The following FAM222B variants were observed in gnomAD, a reference collection of about 807,000 sequenced individuals.
The protein encoded by FAM222B is protein FAM222B.
Under a neutral mutation model 38.0 loss-of-function variants are expected in FAM222B, and 12 were observed. That is an observed-to-expected ratio of 0.32 (90% confidence interval 0.20 to 0.51). The LOEUF (loss-of-function observed/expected upper bound fraction) is 0.51. Among genes scored for constraint, FAM222B ranks in the 20% least tolerant of loss-of-function variants. The pLI, the probability that FAM222B is intolerant of heterozygous loss-of-function variation, is 0.97. For synonymous variants in FAM222B, 329 were observed against 317.2 expected (o/e 1.04, Z -0.40); for missense variants, 716 against 754.2 (o/e 0.95, Z 0.59).
At position 28,756,072 on chromosome 17, in the gene FAM222B, A is replaced by C. The variant is rs1216988566; in HGVS notation, c.*2198T>G. On this transcript the variant is annotated 3_prime_UTR_variant, in exon 3 of 3. Coordinates refer to ENST00000581407, the MANE Select transcript of FAM222B (RefSeq NM_001077498.3). ...GGTGAGGTGAGAGAGATGGAGAATG[A>C]ATGCTACAGTATGTGGATAGAATGG... The C allele has an allele frequency of 6.6e-6, 1 of 152,640 alleles. No individual in the cohort carries two copies. The highest frequency in any genetic ancestry group is 1.5e-5 in the Non-Finnish European group (1 of 68,044). 9.5% of individuals were successfully genotyped at this position (152,640 alleles called of 1,614,324 possible). A position where few individuals can be genotyped will look rare whatever the true frequency, so the allele number is the denominator to read the frequency against.
At chr17:28,807,890 A>G (rs2037566755) in intron 1 of FAM222B, among the ~76,000 whole-genome samples, 1 of 152,190 alleles carries the variant, frequency 6.6e-6, no homozygotes, top group South Asian at 2.1e-4. Context: ...GGTTTAAAAC[A>G]AACAAAAAGA....
At chr17:28,827,830 A>G (rs1331096180) in intron 1 of FAM222B, among the ~76,000 whole-genome samples, 1 of 152,208 alleles carries the variant, frequency 6.6e-6, no homozygotes, top group Admixed American at 6.6e-5. Context: ...GGGAAAGGGC[A>G]TAAGTAGTCT....
chr17:28,781,127 G>C (rs983051868), intron 1 of FAM222B, among the ~76,000 whole-genome samples: 2 of 152,006 alleles, frequency 1.3e-5, no homozygotes, highest in Non-Finnish European at 2.9e-5. Flanking sequence ...TCAGAGAAAT[G>C]CAAGTTAAAA....
chr17:28,759,376 C>T lies in FAM222B; in HGVS notation c.583G>A (p.Gly195Ser), dbSNP rs745753529. The T allele has an allele frequency of 2.3e-5, 37 of 1,607,146 alleles. 1 individual carries two copies. In the South Asian group the frequency reaches 3.3e-4, roughly 14 times the overall value. ...GCCATGGGCTGAGGGTGGCCCAGGC[C>T]CTGAGGCTGCTGGAGGCTCTGAGGG... ...SHPQSLQQPQ[G>S]LGHPQPMAQT... The change falls in exon 3 of 3, where the codon GGC becomes AGC. Residue 195 changes from glycine to serine, a missense_variant. Transcript: ENST00000581407. The surrounding 1 kb of genome is among the most constrained non-coding windows in gnomAD (Gnocchi z 4.8).
At chr17:28,809,081 C>T (rs891451154) in intron 1 of FAM222B, among the ~76,000 whole-genome samples, 5 of 152,142 alleles carry the variant, frequency 3.3e-5, no homozygotes, top group South Asian at 2.1e-4. Context: ...GGGCCGGGCA[C>T]GGTGGCTCAT....
intron 1 of FAM222B, among the ~76,000 whole-genome samples, chr17:28,784,491 TAAAAAAAAA>T (rs559624246): frequency 1.9e-3 from 67 of 36,038 alleles, no homozygotes; most frequent in East Asian, 5.5e-3. Flanking sequence ...TCCCCTCTCT[TAAAAAAAAA>T]AAAAAAAAAA....
chr17:28,783,018 G>A (rs572849338), intron 1 of FAM222B, among the ~76,000 whole-genome samples: 14 of 150,718 alleles, frequency 9.3e-5, no homozygotes, highest in Non-Finnish European at 1.8e-4. Flanking sequence ...GGTGCCTGTA[G>A]CCCCAGCTAC....
At chr17:28,785,408 C>T (rs78568997) in intron 1 of FAM222B, among the ~76,000 whole-genome samples, 10 of 152,250 alleles carry the variant, frequency 6.6e-5, no homozygotes, top group Non-Finnish European at 1.3e-4. Context: ...AAACATTGAA[C>T]GGTTCCATAG....
chr17:28,833,009 T>TAAAAAA (rs779596504), intron 1 of FAM222B, among the ~76,000 whole-genome samples: 1 of 90,776 alleles, frequency 1.1e-5, no homozygotes. Flanking sequence ...CTGTCTCTAT[T>TAAAAAA]AAAAAAAAAA....
chr17:28,831,459 TCCC>T (rs2038665169), intron 1 of FAM222B, among the ~76,000 whole-genome samples: 1 of 151,732 alleles, frequency 6.6e-6, no homozygotes, highest in Non-Finnish European at 1.5e-5. Context: ...GCTATTTTAG[TCCC>T]TTTGCCTTTC....
chr17:28,842,087 T>C (rs1260289916), intron 1 of FAM222B, among the ~76,000 whole-genome samples: 6 of 152,200 alleles, frequency 3.9e-5, no homozygotes, highest in African/African-American at 7.2e-5. Flanking sequence ...TAGGTGATGC[T>C]TGCAATAGCC....
chr17:28,840,150 C>A (rs1052103755), intron 1 of FAM222B, among the ~76,000 whole-genome samples: 2 of 151,956 alleles, frequency 1.3e-5, no homozygotes, highest in Non-Finnish European at 2.9e-5. Flanking sequence ...CCGAGGCAGG[C>A]GGATCACCTG....
intron 1 of FAM222B, among the ~76,000 whole-genome samples, chr17:28,776,452 C>CTTTTT (rs397857136): frequency 6.6e-5 from 6 of 90,974 alleles, no homozygotes; most frequent in East Asian, 3.1e-4. Flanking sequence ...CCTAAAAAGA[C>CTTTTT]TTTTTTTTTT....
rs756518360 is a variant in FAM222B, at chr17:28,758,349, G to A, written c.1610C>T (p.Ala537Val). The change falls in exon 3 of 3, where the codon GCC (alanine) becomes GTC (valine). Residue 537 changes from alanine (A) to valine (V), a missense_variant. Coordinates refer to ENST00000581407, the MANE Select transcript of FAM222B (RefSeq NM_001077498.3). ...REQSLAMLSK[A>V]HRAPGNRAPD... ...GGCTCGGTTGCCAGGGGCTCGGTGG[G>A]CCTTGCTCAGCATGGCCAGGCTCTG... 5.0e-6 allele frequency: 8 copies of A among 1,613,138 alleles called. No individual in the cohort carries two copies. In the East Asian group the frequency reaches 1.8e-4, roughly 36 times the overall value.
chr17:28,806,672 T>A lies in FAM222B; in HGVS notation c.-41+36010A>T, dbSNP rs74724702. Among the ~76,000 whole-genome samples the A allele has an allele frequency of 7.8e-3, 1,189 of 152,312 alleles. 7 individuals carry two copies. Among genetic ancestry groups the A allele is most frequent in the Middle Eastern group, 0.02 (6 of 294 alleles). On this transcript the variant is annotated intron_variant, in intron 1 of 2. Coordinates refer to ENST00000581407, the MANE Select transcript of FAM222B (RefSeq NM_001077498.3). ...TATTTTTTCTTTCTCCAATACCTCA[T>A]CTTGAGCATTCTTCTTTTGATTAAT...
chr17:28,802,989 A>G (rs1466682352), intron 1 of FAM222B, among the ~76,000 whole-genome samples: 1 of 152,038 alleles, frequency 6.6e-6, no homozygotes, highest in African/African-American at 2.4e-5. Context: ...TTTGGTTAAG[A>G]AGAGAGGTTT....
At chr17:28,828,453 C>T (rs1296115811) in intron 1 of FAM222B, among the ~76,000 whole-genome samples, 3 of 151,688 alleles carry the variant, frequency 2.0e-5, no homozygotes, top group African/African-American at 4.8e-5. Context: ...ATCTGTAGTG[C>T]CAGCTACTCA....
intron 1 of FAM222B, among the ~76,000 whole-genome samples, chr17:28,852,483 A>T (rs1010021696): frequency 2.0e-5 from 3 of 151,876 alleles, no homozygotes; most frequent in Admixed American, 6.6e-5. Flanking sequence ...CAAAAAAATT[A>T]CCAAAAAATT....
chr17:28,811,559 A>T (rs1482228578), intron 1 of FAM222B, among the ~76,000 whole-genome samples: 1 of 152,218 alleles, frequency 6.6e-6, no homozygotes, highest in Non-Finnish European at 1.5e-5. Flanking sequence ...GTCTGTGAAT[A>T]TAAGAAATAT....
Sources: allele counts gnomAD v4.1 joint callset (sites outside exome capture counted in the v4.1 genomes callset), GRCh38; gene constraint gnomAD v4.1.1; non-coding constraint Gnocchi (gnomAD v3.1); transcripts MANE v1.5; gene names NCBI Gene and HGNC (gene_info 2026-07-23, HGNC 2026-07-21).